The following WWC2 variants were observed in gnomAD, a reference collection of about 807,000 sequenced individuals.
The protein encoded by WWC2 is protein WWC2.
A neutral mutation model predicts 138.5 loss-of-function variants in WWC2; 101 were observed. The observed-to-expected ratio is 0.73, with a 90% CI of 0.62 to 0.86. The LOEUF (loss-of-function observed/expected upper bound fraction) is 0.86, where lower values mean the gene tolerates loss of function less well. Ranked by LOEUF, WWC2 falls within the 40% of genes least tolerant of loss-of-function variation. WWC2 has a pLI of 0.00. For synonymous variants in WWC2, 558 were observed against 538.4 expected (o/e 1.04, Z -0.50); for missense variants, 1,420 against 1,419.4 (o/e 1.00, Z -0.01).
Position 183,265,746 on chromosome 4 carries a change from G to T in WWC2, c.2098G>T (p.Ala700Ser), listed in dbSNP as rs145288039. 1.9e-6 allele frequency: 3 copies of T among 1,611,352 alleles called. No individual in the cohort carries two copies. Among genetic ancestry groups the T allele is most frequent in the Admixed American group, 1.7e-5 (1 of 59,664 alleles). ...SEEDVAIVET[A>S]QVQIGLRYNA... ...AGAGGATGTAGCCATTGTAGAGACCGCCCAGGTTCAGATAGGACTCAGGTA... is the reference window on the plus strand; with the variant it reads ...AGAGGATGTAGCCATTGTAGAGACCTCCCAGGTTCAGATAGGACTCAGGTA... The change falls in exon 13 of 23, where the codon GCC (alanine) becomes TCC (serine). Residue 700 changes from alanine to serine, a missense_variant. By Grantham distance (99) the Ala-to-Ser change is moderately conservative. Transcript: ENST00000403733.
intron 1 of WWC2, among the ~76,000 whole-genome samples, chr4:183,148,372 A>G (rs962684083): frequency 6.6e-6 from 1 of 152,216 alleles, no homozygotes; most frequent in African/African-American, 2.4e-5. Context: ...CTTAGATTTT[A>G]ACTAAGTAAA....
chr4:183,269,073 C>G lies in WWC2; in HGVS notation c.2310C>G (p.Phe770Leu). ...AATCCATTTTATTCAATGATGTGTT[C>G]AGAGTCGCCATTTCCCAAACAGCCT... ...PTESILFNDVFRVAISQTALQ... is the reference protein window; with the variant it reads ...PTESILFNDVLRVAISQTALQ... Residue 770 changes from phenylalanine to leucine, a missense_variant, in exon 15 of 23, where the codon TTC becomes TTG. Physicochemically the swap from Phe to Leu is conservative, Grantham distance 22 (BLOSUM62 0). Transcript: ENST00000403733. The G allele has an allele frequency of 6.2e-7, 1 of 1,613,956 alleles. No homozygotes were observed. Among genetic ancestry groups the G allele is most frequent in the Non-Finnish European group, 8.5e-7 (1 of 1,179,886 alleles).
intron 4 of WWC2, among the ~76,000 whole-genome samples, chr4:183,216,308 C>T (rs1424564578): frequency 6.6e-6 from 1 of 152,106 alleles, no homozygotes; most frequent in Admixed American, 6.5e-5. Context: ...AATTTTAGCT[C>T]CTTCAAGATG....
intron 1 of WWC2, among the ~76,000 whole-genome samples, chr4:183,103,475 T>C (rs1045197222): frequency 1.3e-5 from 2 of 150,408 alleles, no homozygotes; most frequent in Non-Finnish European, 3.0e-5. Flanking sequence ...TCCAGGCGCC[T>C]GCCACCACGC....
Position 183,099,411 on chromosome 4 carries a change from GC to G in WWC2, c.-79del. On this transcript the variant is annotated 5_prime_UTR_variant, in exon 1 of 23. Coordinates refer to ENST00000403733, the MANE Select transcript of WWC2 (RefSeq NM_024949.6). ...CCGGCGCCCGCGTCGCGGGTTGGCA[GC>G]CTAGCCCGGCAGCCGCGTTCCCGCC... 8.5e-7 allele frequency: 1 copy of G among 1,176,452 alleles called. No individual in the cohort carries two copies. Among genetic ancestry groups the G allele is most frequent in the East Asian group, 3.9e-5 (1 of 25,378 alleles). The allele number at this position is 1,176,452 out of a possible 1,614,324, so 72.9% of individuals were successfully genotyped here. A position where few individuals can be genotyped will look rare whatever the true frequency, so the allele number is the denominator to read the frequency against.
At chr4:183,306,880 G>GGAAAAAAAAAAA (rs1739038205) in intron 21 of WWC2, among the ~76,000 whole-genome samples, 1 of 27,572 alleles carries the variant, frequency 3.6e-5, no homozygotes, top group African/African-American at 1.1e-4. Flanking sequence ...TATATATGAG[G>GGAAAAAAAAAAA]CAAAAAAAAA....
intron 5 of WWC2, among the ~76,000 whole-genome samples, chr4:183,243,642 T>A (rs1428630756): frequency 2.0e-5 from 3 of 152,092 alleles, no homozygotes; most frequent in Admixed American, 1.3e-4. Context: ...TCTGTGCAAT[T>A]TGGGGTATAA....
At chr4:183,229,863 T>G (rs189280516) in intron 4 of WWC2, among the ~76,000 whole-genome samples, 2 of 152,188 alleles carry the variant, frequency 1.3e-5, no homozygotes, top group East Asian at 3.9e-4. Flanking sequence ...TCTCGCTCTT[T>G]CGCCAAGGCT....
At chr4:183,268,019 GCT>G (rs1175783986) in intron 14 of WWC2, among the ~76,000 whole-genome samples, 1 of 152,104 alleles carries the variant, frequency 6.6e-6, no homozygotes, top group African/African-American at 2.4e-5. Flanking sequence ...TCTTAGTAAG[GCT>G]CTTTAATCAA....
intron 10 of WWC2, 142 bp from the exon 11 acceptor site, chr4:183,260,768 T>C (rs1737296840): frequency 4.4e-6 from 5 of 1,125,410 alleles, no homozygotes; most frequent in Admixed American, 2.8e-5. Flanking sequence ...GGCCGTAATA[T>C]AGGGAGTTCC....
intron 1 of WWC2, among the ~76,000 whole-genome samples, chr4:183,185,281 T>C (rs992537722): frequency 1.3e-5 from 2 of 152,238 alleles, no homozygotes; most frequent in African/African-American, 4.8e-5. Context: ...TAAACAGCTC[T>C]TGTGGGAGGT....
At chr4:183,100,823 A>G (rs888689167) in intron 1 of WWC2, among the ~76,000 whole-genome samples, 2 of 152,256 alleles carry the variant, frequency 1.3e-5, no homozygotes, top group African/African-American at 4.8e-5. Context: ...CTACGGGCCT[A>G]GGTTTCCCTC....
chr4:183,285,912 C>G (rs7678082), intron 19 of WWC2, 55 bp from the exon 20 acceptor site: 5 of 1,490,348 alleles, frequency 3.4e-6, no homozygotes, highest in Non-Finnish European at 9.2e-7. Flanking sequence ...CCCAAACTTC[C>G]ACTTGCACTC....
At chr4:183,244,283 G>A (rs1296826462) in intron 5 of WWC2, among the ~76,000 whole-genome samples, 2 of 152,062 alleles carry the variant, frequency 1.3e-5, no homozygotes, top group Non-Finnish European at 2.9e-5. Context: ...ATCATGAAGA[G>A]TACATGAAAC....
chr4:183,269,497 C>T (rs773641838), intron 15 of WWC2: 1 of 505,030 alleles, frequency 2.0e-6, no homozygotes, highest in South Asian at 1.5e-5. Flanking sequence ...CTTTGCGTGA[C>T]TGCTGTGTAT....
chr4:183,215,547 T>C (rs977348229), intron 4 of WWC2, among the ~76,000 whole-genome samples: 1 of 152,178 alleles, frequency 6.6e-6, no homozygotes, highest in African/African-American at 2.4e-5. Flanking sequence ...ATAATTAAAA[T>C]GTATAGCACA....
chr4:183,117,926 A>G (rs984173306), intron 1 of WWC2, among the ~76,000 whole-genome samples: 7 of 151,480 alleles, frequency 4.6e-5, no homozygotes, highest in Middle Eastern at 3.4e-3. Flanking sequence ...TCTGCCCCCC[A>G]AGTAGCTGGG....
intron 1 of WWC2, among the ~76,000 whole-genome samples, chr4:183,157,426 T>C (rs1733836558): frequency 6.6e-6 from 1 of 152,196 alleles, no homozygotes; most frequent in South Asian, 2.1e-4. Flanking sequence ...TTTCTGGCAG[T>C]GTCCTCTAGT....
At chr4:183,189,436 C>CAAA (rs201076553) in intron 1 of WWC2, among the ~76,000 whole-genome samples, 11 of 85,932 alleles carry the variant, frequency 1.3e-4, no homozygotes, top group Non-Finnish European at 2.2e-4. Context: ...GACTCAGTCT[C>CAAA]AAAAAAAAAA....
Sources: allele counts gnomAD v4.1 joint callset (sites outside exome capture counted in the v4.1 genomes callset), GRCh38; gene constraint gnomAD v4.1.1; transcripts MANE v1.5; gene names NCBI Gene and HGNC (gene_info 2026-07-23, HGNC 2026-07-21).